GALP: variants seen among roughly 807,000 people sequenced by gnomAD.
GALP encodes the protein galanin like peptide.
GALP carries 12 observed loss-of-function variants against 15.2 expected under a neutral mutation model. The ratio of observed to expected loss-of-function variants is 0.79; its 90% CI spans 0.51 to 1.28. The LOEUF is 1.28. Ranked by LOEUF, GALP falls within the 50% of genes most tolerant of loss-of-function variation. The pLI is 0.00. For missense variants in GALP, 161 were observed against 145.6 expected, an observed-to-expected ratio of 1.11 and a Z score of -0.55; for synonymous variants, 58 against 55.1, an observed-to-expected ratio of 1.05 and a Z score of -0.23.
intron 5 of GALP, among the ~76,000 whole-genome samples, chr19:56,184,198 T>G (rs2032615997): frequency 6.6e-6 from 1 of 151,856 alleles, no homozygotes; most frequent in African/African-American, 2.4e-5. Context: ...TCAGGTGATC[T>G]GCCCGCCTTG....
Position 56,181,395 on chromosome 19 carries a change from C to CTTT in GALP, c.137-753_137-751dup, listed in dbSNP as rs10656072. 2.4e-3 allele frequency among the ~76,000 whole-genome samples: 197 copies of CTTT among 81,312 alleles called. 33 individuals carry two copies. The highest frequency in any genetic ancestry group is 2.9e-3 in the Admixed American group (19 of 6,656). 53.3% of individuals were successfully genotyped at this position (81,312 alleles called of 152,430 possible). A position where few individuals can be genotyped will look rare whatever the true frequency, so the allele number is the denominator to read the frequency against. On this transcript the variant is annotated intron_variant, in intron 3 of 5. Transcript: ENST00000357330. ...CTGCTATTCTTTGTCTCTCTCTCTC[C>CTTT]TTTTTTTTTTTTTTTTTTTTTTTTT...
chr19:56,180,526 T>C, intron 2 of GALP, 60 bp from the exon 3 acceptor site: 1 of 1,435,628 alleles, frequency 7.0e-7, no homozygotes, highest in Non-Finnish European at 9.8e-7. Context: ...ACCCCGGACC[T>C]GTGGGACGCC....
chr19:56,178,530 A>AAT (rs1568576945), intron 2 of GALP, among the ~76,000 whole-genome samples: 87 of 148,998 alleles, frequency 5.8e-4, no homozygotes, highest in African/African-American at 2.0e-3. Context: ...ACAAAAAAAA[A>AAT]AAAAAAAAAA....
intron 3 of GALP, among the ~76,000 whole-genome samples, chr19:56,181,293 A>T (rs1210852116): frequency 6.6e-6 from 1 of 151,154 alleles, no homozygotes; most frequent in Admixed American, 6.6e-5. Context: ...GATGGCCCTT[A>T]CATCCGAGAA....
chr19:56,182,423 C>T (rs1164893761), intron 4 of GALP, among the ~76,000 whole-genome samples, 171 bp downstream of exon 4: 2 of 152,142 alleles, frequency 1.3e-5, no homozygotes, highest in Non-Finnish European at 1.5e-5. Flanking sequence ...CACCTGGAGC[C>T]CCAGCTTGCT....
rs1404854611 is a variant in GALP at position 56,185,551 on chromosome 19, C to T, written c.*281C>T. 3.4e-6 allele frequency: 1 copy of T among 289,984 alleles called. No individual in the cohort carries two copies. Among genetic ancestry groups the T allele is most frequent in the Non-Finnish European group, 6.3e-6 (1 of 158,230 alleles). The allele number at this position is 289,984 out of a possible 1,614,324, so 18.0% of individuals were successfully genotyped here. On this transcript the variant is annotated 3_prime_UTR_variant, in exon 6 of 6. Coordinates refer to ENST00000357330, the MANE Select transcript of GALP (RefSeq NM_033106.4). The stretch of plus-strand genomic sequence containing the variant: ...GTAATCAGGGAATATTCCTGCAACA[C>T]ATTTAAAGGAATTGTGTTCTTTTGG...
At chr19:56,183,957 ATTCT>A (rs2032611750) in intron 5 of GALP, among the ~76,000 whole-genome samples, 1 of 150,478 alleles carries the variant, frequency 6.6e-6, no homozygotes, top group African/African-American at 2.5e-5. Context: ...TCCAGCATTC[ATTCT>A]ATTTTTTTTT....
chr19:56,183,599 A>G (rs1413185877), intron 5 of GALP, among the ~76,000 whole-genome samples: 3 of 151,926 alleles, frequency 2.0e-5, no homozygotes, highest in Non-Finnish European at 4.4e-5. Flanking sequence ...AATTTCATTT[A>G]TTTATTTATT....
intron 3 of GALP, among the ~76,000 whole-genome samples, chr19:56,181,024 T>G (rs1270291621): frequency 4.7e-5 from 7 of 149,782 alleles, no homozygotes; most frequent in African/African-American, 1.7e-4. Context: ...GCCCGAGTAG[T>G]TTAAGCGATT....
chr19:56,184,464 CT>C (rs35169167), intron 5 of GALP, among the ~76,000 whole-genome samples: 22,351 of 147,318 alleles, frequency 0.15, 2,103 homozygotes, highest in Middle Eastern at 0.28. Flanking sequence ...TTCTTCAATC[CT>C]TTTTTTTCTT....
chr19:56,178,721 G>A (rs951679482), intron 2 of GALP, among the ~76,000 whole-genome samples: 9 of 152,288 alleles, frequency 5.9e-5, no homozygotes, highest in Non-Finnish European at 1.0e-4. Flanking sequence ...GCTAATGGCT[G>A]TGGAGGGTTT....
At chr19:56,181,114 G>A (rs1489382467) in intron 3 of GALP, among the ~76,000 whole-genome samples, 1 of 151,540 alleles carries the variant, frequency 6.6e-6, no homozygotes, top group Non-Finnish European at 1.5e-5. Flanking sequence ...TTTTAGTAGA[G>A]ATGGGGTTTC....
rs2032636886 is a variant in GALP, at chr19:56,185,290, C to T, written c.*20C>T. The T allele has an allele frequency of 1.3e-6, 2 of 1,525,064 alleles. No homozygotes were observed. Among genetic ancestry groups the T allele is most frequent in the Non-Finnish European group, 1.8e-6 (2 of 1,105,108 alleles). 94.5% of individuals were successfully genotyped at this position (1,525,064 alleles called of 1,614,324 possible). ...TCATAGATGTCTTCAAATCCCTGTTCCTATCCTTCTTCTCCAGCTCCTCCT... is the reference window on the plus strand; with the variant it reads ...TCATAGATGTCTTCAAATCCCTGTTTCTATCCTTCTTCTCCAGCTCCTCCT... On this transcript the variant is annotated 3_prime_UTR_variant, in exon 6 of 6. Transcript: ENST00000357330.
chr19:56,180,098 A>C (rs1382682294), intron 2 of GALP, among the ~76,000 whole-genome samples: 3 of 152,092 alleles, frequency 2.0e-5, no homozygotes, highest in Non-Finnish European at 4.4e-5. Flanking sequence ...TTTTTTGTAG[A>C]GGCGAGATTT....
At chr19:56,184,445 C>T (rs978163112) in intron 5 of GALP, among the ~76,000 whole-genome samples, 50 of 151,930 alleles carry the variant, frequency 3.3e-4, no homozygotes, top group Non-Finnish European at 1.3e-4. Context: ...TCGCCCCAAC[C>T]CCATCTCCTT....
intron 5 of GALP, among the ~76,000 whole-genome samples, chr19:56,183,669 C>T (rs920080916): frequency 1.3e-5 from 2 of 152,186 alleles, no homozygotes; most frequent in African/African-American, 2.4e-5. Context: ...GCGATCTTGG[C>T]TGACTGCAAC....
intron 5 of GALP, 60 bp from the exon 6 acceptor site, chr19:56,185,155 G>T (rs117735362): frequency 0.014 from 15,750 of 1,086,586 alleles, 180 homozygotes; most frequent in Non-Finnish European, 0.02. Context: ...ACAAAAATTA[G>T]CTGGGTGGGG....
At position 56,181,995 on chromosome 19, in the gene GALP, C is replaced by G. The variant is rs185105212; in HGVS notation, c.137-177C>G. 1.8e-3 allele frequency among the ~76,000 whole-genome samples: 276 copies of G among 152,252 alleles called. 1 individual carries two copies. The highest frequency in any genetic ancestry group is 6.0e-3 in the African/African-American group (249 of 41,542). ...AGCAGGGTAATTTCGAGCAAGTGACCGCTTGCAGCTGCACGATTTCCCCAC... is the reference window on the plus strand; with the variant it reads ...AGCAGGGTAATTTCGAGCAAGTGACGGCTTGCAGCTGCACGATTTCCCCAC... On this transcript the variant is annotated intron_variant, in intron 3 of 5. Coordinates refer to ENST00000357330, the MANE Select transcript of GALP (RefSeq NM_033106.4).
chr19:56,185,164 G>A lies in GALP; in HGVS notation c.296-51G>A, dbSNP rs111518984. On this transcript the variant is annotated intron_variant, in intron 5 of 5. Coordinates refer to ENST00000357330, the MANE Select transcript of GALP (RefSeq NM_033106.4). ...AAACATACAAAAATTAGCTGGGTGGGGAGTGATAGTGAGAAAAACCATTCA... is the reference window on the plus strand; with the variant it reads ...AAACATACAAAAATTAGCTGGGTGGAGAGTGATAGTGAGAAAAACCATTCA... 354 of 1,163,386 alleles carry A rather than the reference G, an allele frequency of 3.0e-4. 1 individual carries two copies. The African/African-American group carries it at 5.1e-3, about 17-fold the overall frequency. 72.1% of individuals were successfully genotyped at this position (1,163,386 alleles called of 1,614,324 possible).
Sources: allele counts gnomAD v4.1 joint callset (sites outside exome capture counted in the v4.1 genomes callset), GRCh38; gene constraint gnomAD v4.1.1; transcripts MANE v1.5; gene names NCBI Gene and HGNC (gene_info 2026-07-23, HGNC 2026-07-21).